The following UMOD variants were observed in gnomAD, a reference collection of about 807,000 sequenced individuals.
The protein encoded by UMOD is uromodulin.
Under a neutral mutation model 66.0 loss-of-function variants are expected in UMOD, and 64 were observed. That is an observed-to-expected ratio of 0.97 (90% CI 0.79 to 1.19). The LOEUF is 1.19. Ranked by LOEUF, UMOD falls within the 50% of genes most tolerant of loss-of-function variation. The pLI, the probability that UMOD is intolerant of heterozygous loss-of-function variation, is 0.00. For missense variants in UMOD, 764 were observed against 850.9 expected, an observed-to-expected ratio of 0.90 and a Z score of 1.27; for synonymous variants, 398 against 352.7, an observed-to-expected ratio of 1.13 and a Z score of -1.44.
intron 2 of UMOD, 152 bp from the exon 3 acceptor site, chr16:20,349,364 ACTC>A (rs1236938268): frequency 1.2e-6 from 1 of 855,082 alleles, no homozygotes; most frequent in Admixed American, 2.1e-5. Flanking sequence ...AAGAAACAAA[ACTC>A]CTCTGATGAT....
At chr16:20,346,044 AG>A (rs1965562772) in intron 5 of UMOD, 81 bp downstream of exon 5, 2 of 1,382,036 alleles carry the variant, frequency 1.4e-6, no homozygotes, top group African/African-American at 2.9e-5. Context: ...AACTCCCCAA[AG>A]CTTCTATAAC....
At chr16:20,339,002 C>T (rs1278360602) in intron 7 of UMOD, among the ~76,000 whole-genome samples, 1 of 152,208 alleles carries the variant, frequency 6.6e-6, no homozygotes, top group Non-Finnish European at 1.5e-5. Flanking sequence ...CTCAGGTGAT[C>T]TGCCTGCCTC....
chr16:20,352,789 G>C (rs1263716644), upstream of UMOD: 4 of 1,194,720 alleles, frequency 3.3e-6, no homozygotes, highest in African/African-American at 4.7e-5. Flanking sequence ...TTAGTCTCTA[G>C]TTCTGTTTTT....
At chr16:20,335,395 T>C (rs2141628690) in intron 10 of UMOD, 87 bp downstream of exon 10, 3 of 1,384,058 alleles carry the variant, frequency 2.2e-6, no homozygotes, top group Middle Eastern at 1.8e-4. Flanking sequence ...CCTTATAGAG[T>C]TGCTATGAAG....
At chr16:20,340,966 C>A (rs1382052591) in intron 7 of UMOD, 125 bp downstream of exon 7, 3 of 1,162,626 alleles carry the variant, frequency 2.6e-6, no homozygotes, top group Admixed American at 2.1e-5. Context: ...TGCACTCCAA[C>A]CTTGGCGACA....
intron 10 of UMOD, 119 bp downstream of exon 10, chr16:20,335,363 A>C: frequency 9.7e-7 from 1 of 1,030,750 alleles, no homozygotes; most frequent in Non-Finnish European, 1.5e-6. Context: ...CCTTATTTAG[A>C]AAACGGAACT....
chr16:20,335,123 G>T (rs918485886), intron 10 of UMOD, among the ~76,000 whole-genome samples: 1 of 152,160 alleles, frequency 6.6e-6, no homozygotes, highest in Admixed American at 6.5e-5. Context: ...ACTGCGCCTG[G>T]CCTATTTGTC....
At chr16:20,352,631 C>T (rs1264573113) in intron 1 of UMOD, 58 bp downstream of exon 1, 1 of 1,213,214 alleles carries the variant, frequency 8.2e-7, no homozygotes, top group East Asian at 3.2e-5. Flanking sequence ...TCTCCTACCT[C>T]CCTCAAATAG....
chr16:20,344,195 A>AGGGGGGGGGGC, intron 5 of UMOD, 23 bp from the exon 6 acceptor site: 2 of 562,614 alleles, frequency 3.6e-6, no homozygotes, highest in Non-Finnish European at 5.7e-6. Context: ...ATGGGGGTGG[A>AGGGGGGGGGGC]GGGGGGGTGG....
upstream of UMOD, chr16:20,356,058 G>A (rs1160248351): frequency 1.3e-5 from 2 of 152,212 alleles, no homozygotes; most frequent in East Asian, 3.9e-4. Flanking sequence ...TGAAACTAAA[G>A]GGTGGAGAGT....
chr16:20,346,949 T>C (rs1018070088), intron 4 of UMOD, among the ~76,000 whole-genome samples: 21 of 152,164 alleles, frequency 1.4e-4, no homozygotes, highest in African/African-American at 4.3e-4. Context: ...TTCTACCCTT[T>C]TCACATCAAG....
intron 1 of UMOD, 62 bp from the exon 2 acceptor site, chr16:20,350,901 A>G: frequency 6.7e-7 from 1 of 1,487,766 alleles, no homozygotes; most frequent in Non-Finnish European, 9.0e-7. Flanking sequence ...AGCTGGAAGG[A>G]GTGCTTTGAT....
At chr16:20,335,738 CA>C (rs1376798230) in intron 9 of UMOD, among the ~76,000 whole-genome samples, 2 of 152,222 alleles carry the variant, frequency 1.3e-5, no homozygotes, top group Admixed American at 1.3e-4. Flanking sequence ...CAAGGCTCCA[CA>C]AGGTCTGCAG....
intron 7 of UMOD, among the ~76,000 whole-genome samples, chr16:20,337,815 T>C (rs1964968777): frequency 6.6e-6 from 1 of 152,202 alleles, no homozygotes; most frequent in Non-Finnish European, 1.5e-5. Flanking sequence ...TTAGCTGCTA[T>C]GTGCTATCTA....
chr16:20,339,626 A>C (rs1965077008), intron 7 of UMOD, among the ~76,000 whole-genome samples: 1 of 152,260 alleles, frequency 6.6e-6, no homozygotes, highest in Non-Finnish European at 1.5e-5. Flanking sequence ...AACCAGGCAG[A>C]AACAGACCAC....
chr16:20,349,763 T>C, intron 2 of UMOD: 3 of 1,522,938 alleles, frequency 2.0e-6, no homozygotes, highest in Non-Finnish European at 2.6e-6. Context: ...ACATTTTATG[T>C]TTTCTGCTTC....
chr16:20,355,482 C>T (rs1219574015), upstream of UMOD, among the ~76,000 whole-genome samples: 3 of 150,886 alleles, frequency 2.0e-5, no homozygotes, highest in Non-Finnish European at 2.9e-5. Flanking sequence ...TGGCTCACTG[C>T]AACCTCCACC....
chr16:20,355,567 A>G (rs760752307), upstream of UMOD, among the ~76,000 whole-genome samples: 10 of 149,856 alleles, frequency 6.7e-5, no homozygotes, highest in South Asian at 6.4e-4. Flanking sequence ...GGTGCATACC[A>G]CCATGCCCGG....
intron 2 of UMOD, chr16:20,349,723 G>A (rs933805774): frequency 2.6e-6 from 4 of 1,529,082 alleles, no homozygotes; most frequent in African/African-American, 1.4e-5. Flanking sequence ...TAGGATTTAC[G>A]GTGAACCTGT....
Sources: gnomAD v4.1 joint callset for allele counts (sites outside exome capture counted in the v4.1 genomes callset) on GRCh38, gnomAD v4.1.1 for gene constraint, MANE v1.5 for transcripts, NCBI Gene and HGNC (gene_info 2026-07-23, HGNC 2026-07-21) for gene names.